Variants in BMPR1B observed in about 807,000 individuals in gnomAD.
The protein encoded by BMPR1B is bone morphogenetic protein receptor type 1B.
In BMPR1B, 12 loss-of-function variants were observed where a neutral mutation model predicts 59.1. The observed-to-expected ratio is 0.20, with a 90% CI of 0.13 to 0.33. The LOEUF is 0.33. Ranked by LOEUF, BMPR1B falls within the 10% of genes least tolerant of loss-of-function variation. The pLI is 1.00. For missense variants in BMPR1B, 550 were observed against 610.9 expected (o/e 0.90, Z 1.05); for synonymous variants, 237 against 207.3 (o/e 1.14, Z -1.23).
intron 1 of BMPR1B, among the ~76,000 whole-genome samples, chr4:94,809,442 G>A (rs973357788): frequency 6.6e-6 from 1 of 152,156 alleles, no homozygotes; most frequent in African/African-American, 2.4e-5. Context: ...ATTACTCTGC[G>A]AAATGTGAAG....
At chr4:95,059,993 C>T (rs746094819) in intron 3 of BMPR1B, among the ~76,000 whole-genome samples, 10 of 152,194 alleles carry the variant, frequency 6.6e-5, no homozygotes, top group Non-Finnish European at 1.2e-4. Context: ...TGGCTGAGCA[C>T]TTGCTGCAAT....
chr4:94,972,983 CA>C (rs1730874607), intron 2 of BMPR1B, among the ~76,000 whole-genome samples: 1 of 152,066 alleles, frequency 6.6e-6, no homozygotes, highest in African/African-American at 2.4e-5. Context: ...TTGGCAGGAA[CA>C]AACTCCATTT....
chr4:94,998,817 T>G (rs1048243227), intron 3 of BMPR1B, among the ~76,000 whole-genome samples: 1 of 152,154 alleles, frequency 6.6e-6, no homozygotes, highest in African/African-American at 2.4e-5. Context: ...ACCTTCTACT[T>G]TTGTTCTATA....
chr4:94,857,061 T>C (rs1259968123), intron 1 of BMPR1B, among the ~76,000 whole-genome samples: 1 of 152,090 alleles, frequency 6.6e-6, no homozygotes, highest in Non-Finnish European at 1.5e-5. Context: ...GTAAAGAGTA[T>C]GCTTCAGGAA....
At chr4:94,761,931 C>T (rs1195450605) in intron 1 of BMPR1B, among the ~76,000 whole-genome samples, 1 of 152,026 alleles carries the variant, frequency 6.6e-6, no homozygotes, top group Non-Finnish European at 1.5e-5. Flanking sequence ...TAAAAAGTCG[C>T]TTATATGACT....
chr4:94,810,885 TTCA>T (rs1279098089), intron 1 of BMPR1B, among the ~76,000 whole-genome samples: 17 of 152,310 alleles, frequency 1.1e-4, no homozygotes, highest in African/African-American at 3.6e-4. Flanking sequence ...ATCAAGCGTC[TTCA>T]TCAGTCATGT....
intron 1 of BMPR1B, among the ~76,000 whole-genome samples, chr4:94,817,842 T>G (rs746580816): frequency 1.3e-5 from 2 of 152,166 alleles, no homozygotes; most frequent in Non-Finnish European, 2.9e-5. Context: ...TCCAACTACT[T>G]TCATGGGAGT....
chr4:95,017,779 G>T (rs1192636637), intron 3 of BMPR1B, among the ~76,000 whole-genome samples: 1 of 152,194 alleles, frequency 6.6e-6, no homozygotes, highest in South Asian at 2.1e-4. Context: ...AATGGCCTTG[G>T]TATATATCTT....
rs552511307 is a variant in BMPR1B, at chr4:95,091,572, A to C, written c.-17-12836A>C. ...CCTAGCAATTCTGTGCCTCCTCCTCATGTCTCTCATCCTAGGGAGCCTGGC... is the reference window on the plus strand; with the variant it reads ...CCTAGCAATTCTGTGCCTCCTCCTCCTGTCTCTCATCCTAGGGAGCCTGGC... On this transcript the variant is annotated intron_variant, in intron 3 of 12. Coordinates refer to ENST00000515059, the MANE Select transcript of BMPR1B (RefSeq NM_001203.3). 5.0e-5 allele frequency: 49 copies of C among 984,992 alleles called. No homozygotes were observed. The African/African-American group carries it at 8.4e-4, about 17-fold the overall frequency. The allele number at this position is 984,992 out of a possible 1,614,324, so 61.0% of individuals were successfully genotyped here.
At chr4:95,133,509 A>G (rs1052109090) in intron 10 of BMPR1B, among the ~76,000 whole-genome samples, 6 of 152,134 alleles carry the variant, frequency 3.9e-5, no homozygotes, top group Non-Finnish European at 5.9e-5. Flanking sequence ...CCGAACACCC[A>G]TATCCCCTTC....
At chr4:94,915,346 A>G (rs943084714) in intron 2 of BMPR1B, among the ~76,000 whole-genome samples, 1 of 152,174 alleles carries the variant, frequency 6.6e-6, no homozygotes, top group Non-Finnish European at 1.5e-5. Flanking sequence ...AAAGCCATTG[A>G]AGTTTTAATA....
chr4:94,992,254 C>T (rs1344595037), intron 2 of BMPR1B, among the ~76,000 whole-genome samples: 2 of 152,178 alleles, frequency 1.3e-5, no homozygotes, highest in Admixed American at 1.3e-4. Flanking sequence ...CTTTCTGCTA[C>T]CCCTCAATAC....
intron 1 of BMPR1B, among the ~76,000 whole-genome samples, chr4:94,841,137 C>T (rs1455898153): frequency 2.0e-5 from 3 of 149,042 alleles, no homozygotes; most frequent in East Asian, 1.9e-4. Context: ...TCTCCAGCTG[C>T]GTGCTGGGAG....
chr4:95,110,335 T>C (rs1243280576), intron 4 of BMPR1B, among the ~76,000 whole-genome samples: 1 of 151,920 alleles, frequency 6.6e-6, no homozygotes, highest in Non-Finnish European at 1.5e-5. Context: ...TTGTACCTCA[T>C]AGAAAAAATA....
chr4:94,970,281 CTTCTCTTCTCTTCTCTTCTCTTCT>C (rs1248433083), intron 2 of BMPR1B, among the ~76,000 whole-genome samples: 27 of 112,674 alleles, frequency 2.4e-4, no homozygotes, highest in Non-Finnish European at 4.1e-4. Context: ...CTTCTCTTCT[CTTCTCTTCTCTTCTCTTCTCTTCT>C]TTCTCTCTCT....
At position 95,156,912 on chromosome 4, in the gene BMPR1B, T is replaced by G. The variant is rs1209900794; in HGVS notation, c.*2239T>G. On this transcript the variant is annotated 3_prime_UTR_variant, in exon 13 of 13. Transcript: ENST00000515059. Reference sequence around the variant, plus strand: ...ATCTACAAAACAACAGGTAAACATTTATGCCAGTTAAGTGGGTCATGTTTT... The same window carrying G: ...ATCTACAAAACAACAGGTAAACATTGATGCCAGTTAAGTGGGTCATGTTTT... 2 of 152,190 alleles carry G rather than the reference T, an allele frequency of 1.3e-5. No homozygotes were observed. The highest frequency in any genetic ancestry group is 2.9e-5 in the Non-Finnish European group (2 of 68,014). 9.4% of individuals were successfully genotyped at this position (152,190 alleles called of 1,614,324 possible).
chr4:94,933,955 G>A (rs1475542316), intron 2 of BMPR1B, among the ~76,000 whole-genome samples: 1 of 152,144 alleles, frequency 6.6e-6, no homozygotes, highest in East Asian at 1.9e-4. Flanking sequence ...TTGTATGACA[G>A]TCAACAAACT....
At chr4:94,932,638 C>T (rs569539327) in intron 2 of BMPR1B, among the ~76,000 whole-genome samples, 3 of 152,224 alleles carry the variant, frequency 2.0e-5, no homozygotes, top group Admixed American at 1.3e-4. Context: ...TACCCACATA[C>T]ACCCCTTTTT....
intron 1 of BMPR1B, among the ~76,000 whole-genome samples, chr4:94,835,669 T>A (rs1430818810): frequency 1.3e-5 from 2 of 152,206 alleles, no homozygotes; most frequent in East Asian, 3.8e-4. Context: ...TTTGTAAAAC[T>A]CTACAATTTA....
Sources: allele counts gnomAD v4.1 joint callset (sites outside exome capture counted in the v4.1 genomes callset), GRCh38; gene constraint gnomAD v4.1.1; transcripts MANE v1.5; gene names NCBI Gene and HGNC (gene_info 2026-07-23, HGNC 2026-07-21).